MMP16: variants seen among roughly 807,000 people sequenced by gnomAD.
MMP16 encodes matrix metalloproteinase-16.
A neutral mutation model predicts 67.8 loss-of-function variants in MMP16; 12 were observed. The observed-to-expected ratio is 0.18, with a 90% CI of 0.11 to 0.29. The LOEUF is 0.29. MMP16 is among the 10% of genes least tolerant of loss of function. The pLI, the probability that MMP16 is intolerant of heterozygous loss-of-function variation, is 1.00. For missense variants in MMP16, 475 were observed against 765.7 expected (o/e 0.62, Z 4.48); for synonymous variants, 249 against 255.9 (o/e 0.97, Z 0.26).
chr8:88,255,338 G>A (rs954868073), intron 1 of MMP16, among the ~76,000 whole-genome samples: 1 of 152,080 alleles, frequency 6.6e-6, no homozygotes. Context: ...TGAGGCCCTC[G>A]CCAGAAGCAG....
chr8:88,224,781 A>C (rs1809743154), intron 1 of MMP16, among the ~76,000 whole-genome samples: 1 of 152,064 alleles, frequency 6.6e-6, no homozygotes. Context: ...GAGTTAAACA[A>C]AGCTAAGCAG....
intron 6 of MMP16, among the ~76,000 whole-genome samples, chr8:88,076,454 A>G (rs949978930): frequency 3.9e-5 from 6 of 152,162 alleles, no homozygotes; most frequent in African/African-American, 1.4e-4. Context: ...CTACAGTCCC[A>G]GCCACGTATC....
At chr8:88,168,663 T>G (rs1808753355) in intron 3 of MMP16, among the ~76,000 whole-genome samples, 1 of 152,210 alleles carries the variant, frequency 6.6e-6, no homozygotes, top group African/African-American at 2.4e-5. Context: ...TTGATTCATT[T>G]GGCACTAAAT....
Position 88,046,727 on chromosome 8 carries a change from G to A in MMP16, c.1431C>T (p.Ile477=), listed in dbSNP as rs762929864. 2.5e-6 allele frequency: 4 copies of A among 1,611,028 alleles called. No homozygotes were observed. The highest frequency in any genetic ancestry group is 3.4e-6 in the Non-Finnish European group (4 of 1,179,178). Residue 477 remains isoleucine, a synonymous_variant, in exon 9 of 10, where the codon ATC becomes ATT. Transcript: ENST00000286614. ...ATTCAGGGATCCCTTTCCAGACTGT[G>A]ATTGGCTTGGGATAGCCAGGGTCCA... is the stretch of plus-strand genomic sequence containing the variant. ...KTMDPGYPKP[I]TVWKGIPESP...
chr8:88,160,241 G>A (rs1046643779), intron 4 of MMP16, among the ~76,000 whole-genome samples: 7 of 151,872 alleles, frequency 4.6e-5, no homozygotes, highest in African/African-American at 1.4e-4. Flanking sequence ...TTGTCCTTGC[G>A]ATAGTTTACT....
rs1479346116 is a variant in MMP16, at chr8:88,267,947, A to G, written c.132+59128T>C. ...ACAAAGAAACCACAGTTTTTAATAT[A>G]GTTTAAATTAAAAAGGCTACATTTA... On this transcript the variant is annotated intron_variant, in intron 1 of 9. Transcript: ENST00000286614. 3.3e-5 allele frequency among the ~76,000 whole-genome samples: 5 copies of G among 152,298 alleles called. 1 individual carries two copies. In the East Asian group the frequency reaches 9.6e-4, roughly 29 times the overall value.
At chr8:88,288,912 C>T (rs920004226) in intron 1 of MMP16, among the ~76,000 whole-genome samples, 2 of 152,066 alleles carry the variant, frequency 1.3e-5, no homozygotes, top group African/African-American at 2.4e-5. Context: ...TCTGAGGGAA[C>T]AAAAAAGCAG....
chr8:88,224,529 G>A (rs1478684993), intron 1 of MMP16, among the ~76,000 whole-genome samples: 2 of 151,876 alleles, frequency 1.3e-5, no homozygotes, highest in Non-Finnish European at 2.9e-5. Context: ...GAATTTTGAT[G>A]ACTTTATCTC....
chr8:88,208,844 A>G (rs1297011518), intron 1 of MMP16, among the ~76,000 whole-genome samples: 1 of 150,442 alleles, frequency 6.6e-6, no homozygotes, highest in Non-Finnish European at 1.5e-5. Context: ...GGAAGAAAAG[A>G]AAAAAAAATA....
intron 6 of MMP16, among the ~76,000 whole-genome samples, chr8:88,109,322 T>C (rs140852800): frequency 6.6e-6 from 1 of 151,354 alleles, no homozygotes; most frequent in African/African-American, 2.4e-5. Flanking sequence ...TCAGGTAGAC[T>C]ATCACATAAT....
chr8:88,118,687 A>G lies in MMP16; in HGVS notation c.871+13T>C, dbSNP rs201218997. 47 of 1,608,440 alleles carry G rather than the reference A, an allele frequency of 2.9e-5. No homozygotes were observed. The Admixed American group carries it at 6.3e-4, about 21-fold the overall frequency. ...ACTATCGGATTAAGCAAATTGAAAC[A>G]GTAGTAACCTACCATATATCTTCTG... On this transcript the variant is annotated intron_variant, in intron 5 of 9. Coordinates refer to ENST00000286614, the MANE Select transcript of MMP16 (RefSeq NM_005941.5).
At chr8:88,066,562 G>A (rs1393423252) in intron 7 of MMP16, among the ~76,000 whole-genome samples, 1 of 152,068 alleles carries the variant, frequency 6.6e-6, no homozygotes, top group African/African-American at 2.4e-5. Flanking sequence ...TGTAAATGGT[G>A]CTAACTGATA....
intron 1 of MMP16, among the ~76,000 whole-genome samples, chr8:88,309,519 A>G (rs781489453): frequency 2.0e-4 from 31 of 152,206 alleles, no homozygotes; most frequent in Admixed American, 3.9e-4. Context: ...TCTTTAAAAA[A>G]AATGACTGAA....
chr8:88,098,015 A>C (rs550556188), intron 6 of MMP16, among the ~76,000 whole-genome samples: 74 of 152,014 alleles, frequency 4.9e-4, no homozygotes, highest in African/African-American at 1.6e-3. Flanking sequence ...AAGAGTCCAC[A>C]CAAGGACACC....
chr8:88,158,698 T>G (rs1808558680), intron 4 of MMP16, among the ~76,000 whole-genome samples: 1 of 152,220 alleles, frequency 6.6e-6, no homozygotes, highest in Non-Finnish European at 1.5e-5. Flanking sequence ...TTTTGGCTTT[T>G]GTTGCCATTG....
At chr8:88,138,474 A>G (rs1563543101) in intron 4 of MMP16, among the ~76,000 whole-genome samples, 1 of 152,028 alleles carries the variant, frequency 6.6e-6, no homozygotes, top group South Asian at 2.1e-4. Flanking sequence ...AGTGCAGGCT[A>G]TGAGTTTGGT....
At chr8:88,159,064 T>C (rs1317225281) in intron 4 of MMP16, among the ~76,000 whole-genome samples, 2 of 152,232 alleles carry the variant, frequency 1.3e-5, no homozygotes, top group Non-Finnish European at 2.9e-5. Flanking sequence ...TTTTGGTTAC[T>C]GTAGCCTTGT....
intron 8 of MMP16, among the ~76,000 whole-genome samples, chr8:88,055,601 G>A (rs1256096834): frequency 2.0e-5 from 3 of 152,106 alleles, no homozygotes; most frequent in African/African-American, 7.2e-5. Flanking sequence ...AAAATAGTTG[G>A]GAAAAAATAT....
intron 4 of MMP16, among the ~76,000 whole-genome samples, chr8:88,133,180 A>C (rs182623618): frequency 6.6e-6 from 1 of 151,988 alleles, no homozygotes; most frequent in Admixed American, 6.6e-5. Flanking sequence ...GAGAGGAAAA[A>C]AGAATCGTAT....
Sources: gnomAD v4.1 joint callset for allele counts (sites outside exome capture counted in the v4.1 genomes callset) on GRCh38, gnomAD v4.1.1 for gene constraint, MANE v1.5 for transcripts, NCBI Gene and HGNC (gene_info 2026-07-23, HGNC 2026-07-21) for gene names.